Variants in TMEM39A observed in about 807,000 individuals in gnomAD.
TMEM39A encodes the protein transmembrane protein 39A, also known as suppressor of SQST-1 aggregates in rpl-43 mutants.
TMEM39A carries 19 observed loss-of-function variants against 51.9 expected under a neutral mutation model. The ratio of observed to expected loss-of-function variants is 0.37; its 90% CI spans 0.26 to 0.54. The LOEUF is 0.54. TMEM39A is among the 20% of genes least tolerant of loss of function. The pLI, the probability that TMEM39A is intolerant of heterozygous loss-of-function variation, is 0.88. For missense variants in TMEM39A, 433 were observed against 590.5 expected (o/e 0.73, Z 2.76); for synonymous variants, 197 against 220.2 (o/e 0.89, Z 0.93).
chr3:119,441,756 G>A (rs563501339), intron 5 of TMEM39A, among the ~76,000 whole-genome samples: 2 of 152,320 alleles, frequency 1.3e-5, no homozygotes, highest in South Asian at 2.1e-4. Context: ...GGAAGAAGAT[G>A]CCATCTAGAC....
intron 1 of TMEM39A, 120 bp from the exon 2 acceptor site, chr3:119,462,268 G>A (rs2081348548): frequency 1.8e-6 from 1 of 545,752 alleles, no homozygotes; most frequent in Admixed American, 3.3e-5. Context: ...AATGTTCCCA[G>A]TGTCTACTAC....
rs59708522 is a variant in TMEM39A, at chr3:119,435,822, T to C, written c.1113-940A>G. ...GTAGCCTGAAGATGTACAGTACTAG[T>C]ACTGTGGATTGTATTTTCAATTTTT... is the stretch of plus-strand genomic sequence containing the variant. On this transcript the variant is annotated intron_variant, in intron 7 of 8. Coordinates refer to ENST00000319172, the MANE Select transcript of TMEM39A (RefSeq NM_018266.3). 6.1e-4 allele frequency: 784 copies of C among 1,287,162 alleles called. 6 individuals carry two copies. The East Asian group carries it at 0.018, about 30-fold the overall frequency. 79.7% of individuals were successfully genotyped at this position (1,287,162 alleles called of 1,614,324 possible). A position where few individuals can be genotyped will look rare whatever the true frequency, so the allele number is the denominator to read the frequency against.
At chr3:119,453,620 TATG>T (rs1266366106) in intron 3 of TMEM39A, among the ~76,000 whole-genome samples, 1 of 152,198 alleles carries the variant, frequency 6.6e-6, no homozygotes, top group Non-Finnish European at 1.5e-5. Flanking sequence ...GCTGGTCAGA[TATG>T]ATAACTGGAG....
At chr3:119,434,528 T>C (rs546718250) in intron 8 of TMEM39A, among the ~76,000 whole-genome samples, 34 of 152,060 alleles carry the variant, frequency 2.2e-4, no homozygotes, top group African/African-American at 7.2e-4. Context: ...CAAATACCAA[T>C]GTAACTAGAG....
In TMEM39A at chr3:119,429,823, G is replaced by A. The variant is rs1228099139; in HGVS notation, c.*2158C>T. ...TATATCCACTTACTTATTTAGCCAA[G>A]CCAGCATCTGGTTCTGTGCTATTCC... On this transcript the variant is annotated 3_prime_UTR_variant, in exon 9 of 9. Transcript: ENST00000319172. 1 of 152,124 alleles carries A rather than the reference G, an allele frequency of 6.6e-6. No homozygotes were observed. Among genetic ancestry groups the A allele is most frequent in the East Asian group, 1.9e-4 (1 of 5,200 alleles). 9.4% of individuals were successfully genotyped at this position (152,124 alleles called of 1,614,324 possible).
intron 2 of TMEM39A, among the ~76,000 whole-genome samples, chr3:119,460,909 C>T (rs2081327771): frequency 6.6e-6 from 1 of 152,034 alleles, no homozygotes; most frequent in African/African-American, 2.4e-5. Context: ...TAGATAGTAC[C>T]TTTCTTCAAA....
intron 4 of TMEM39A, among the ~76,000 whole-genome samples, chr3:119,449,303 A>C (rs958427483): frequency 6.6e-6 from 1 of 152,134 alleles, no homozygotes; most frequent in Non-Finnish European, 1.5e-5. Flanking sequence ...GCCGGGTGCA[A>C]TGGCTCACAC....
At chr3:119,447,218 C>T (rs2081139441) in intron 4 of TMEM39A, 46 bp from the exon 5 acceptor site, 9 of 1,580,878 alleles carry the variant, frequency 5.7e-6, no homozygotes, top group Non-Finnish European at 7.8e-6. Flanking sequence ...AAATGATCTT[C>T]TTCAAAAGCA....
At chr3:119,457,886 TA>T in intron 3 of TMEM39A, 131 bp downstream of exon 3, 1 of 589,890 alleles carries the variant, frequency 1.7e-6, no homozygotes, top group Non-Finnish European at 2.9e-6. Flanking sequence ...TTTCTGAAAG[TA>T]ATCTGTGGCC....
At chr3:119,462,929 C>CA (rs2081359375) in intron 1 of TMEM39A, among the ~76,000 whole-genome samples, 2 of 150,220 alleles carry the variant, frequency 1.3e-5, no homozygotes, top group East Asian at 3.9e-4. Context: ...CATTCTACGG[C>CA]AAAAATCATG....
chr3:119,451,193 C>T, intron 4 of TMEM39A: 2 of 1,216,226 alleles, frequency 1.6e-6, no homozygotes, highest in Admixed American at 3.2e-5. Context: ...CTGTGAAAAA[C>T]AAGGAATCCT....
Position 119,447,005 on chromosome 3 carries a change from C to T in TMEM39A, c.575+13G>A. 6.2e-7 allele frequency: 1 copy of T among 1,610,344 alleles called. No individual in the cohort carries two copies. The highest frequency in any genetic ancestry group is 8.5e-7 in the Non-Finnish European group (1 of 1,178,624). ...AAGATTTACTAATAACATGGTAAAACTGGAGTACTCACGGGTAGCCAAGGA... is the reference window on the plus strand; with the variant it reads ...AAGATTTACTAATAACATGGTAAAATTGGAGTACTCACGGGTAGCCAAGGA... On this transcript the variant is annotated intron_variant, in intron 5 of 8. Transcript: ENST00000319172.
Position 119,447,169 on chromosome 3 carries a change from T to C in TMEM39A, c.424A>G (p.Thr142Ala). 6.2e-7 allele frequency: 1 copy of C among 1,608,820 alleles called. No homozygotes were observed. Among genetic ancestry groups the C allele is most frequent in the Non-Finnish European group, 8.5e-7 (1 of 1,178,408 alleles). The change falls in exon 5 of 9, where the codon ACT becomes GCT. Residue 142 changes from threonine to alanine, a missense_variant. Transcript: ENST00000319172. ...ATCATTGATGCTGCACCTGCCTTAG[T>C]AGCCTGAAAGTTTGGAAGCACCAAA... ...RLVWALISEA[T>A]KAGAASMIHY...
rs1461681167 is a variant in TMEM39A, at chr3:119,462,093, T to A, written c.-19A>T. On this transcript the variant is annotated 5_prime_UTR_variant, in exon 2 of 9. In the 5' UTR this introduces an upstream ATG that the reference lacks. Transcript: ENST00000319172. ...CGGGCATGTCCAGGAACCAGTCTGC[T>A]TCCAGTGCCACCTGTAGTTGCAACC... 6.2e-7 allele frequency: 1 copy of A among 1,607,276 alleles called. No individual in the cohort carries two copies. Among genetic ancestry groups the A allele is most frequent in the Non-Finnish European group, 8.5e-7 (1 of 1,174,522 alleles).
intron 3 of TMEM39A, among the ~76,000 whole-genome samples, chr3:119,453,074 C>T (rs1321930611): frequency 6.6e-6 from 1 of 152,076 alleles, no homozygotes; most frequent in East Asian, 1.9e-4. Flanking sequence ...AATAGCATTA[C>T]CTAGATGCTG....
chr3:119,458,276 T>G, intron 2 of TMEM39A, 36 bp from the exon 3 acceptor site: 1 of 1,577,258 alleles, frequency 6.3e-7, no homozygotes, highest in Non-Finnish European at 8.7e-7. Flanking sequence ...CAAATGGTGA[T>G]AACCTCCAGT....
chr3:119,439,162 G>T (rs2081015952), intron 5 of TMEM39A, among the ~76,000 whole-genome samples: 1 of 152,054 alleles, frequency 6.6e-6, no homozygotes, highest in Non-Finnish European at 1.5e-5. Context: ...TCCAACTGTT[G>T]GTTCCTTAAA....
intron 5 of TMEM39A, chr3:119,446,690 A>G (rs1357646727): frequency 5.2e-6 from 1 of 191,544 alleles, no homozygotes; most frequent in Non-Finnish European, 1.1e-5. Context: ...GAACCAGTGC[A>G]TTCATCTAAA....
chr3:119,461,560 A>T (rs2081337158), intron 2 of TMEM39A, among the ~76,000 whole-genome samples: 1 of 152,366 alleles, frequency 6.6e-6, no homozygotes, highest in African/African-American at 2.4e-5. Flanking sequence ...GCTAACATTT[A>T]TTAAGACCAA....
Sources: allele counts gnomAD v4.1 joint callset (sites outside exome capture counted in the v4.1 genomes callset), GRCh38; gene constraint gnomAD v4.1.1; transcripts MANE v1.5; gene names NCBI Gene and HGNC (gene_info 2026-07-23, HGNC 2026-07-21).